SPAM1: variants seen among roughly 807,000 people sequenced by gnomAD.
SPAM1 encodes the protein hyaluronidase PH-20.
In SPAM1, 22 loss-of-function variants were observed where a neutral mutation model predicts 29.6. That is an observed-to-expected ratio of 0.74 (90% confidence interval 0.53 to 1.06). The LOEUF (loss-of-function observed/expected upper bound fraction) is 1.06, where lower values mean the gene tolerates loss of function less well. SPAM1 is among the 50% of genes least tolerant of loss of function. The pLI is 0.00. For missense variants in SPAM1, 534 were observed against 604.0 expected (o/e 0.88, Z 1.21); for synonymous variants, 194 against 204.6 (o/e 0.95, Z 0.44).
At chr7:123,945,430 C>A (rs1808547318) in intron 1 of SPAM1, among the ~76,000 whole-genome samples, 1 of 152,106 alleles carries the variant, frequency 6.6e-6, no homozygotes, top group African/African-American at 2.4e-5. Context: ...CCTCAGCCAG[C>A]TTTAACTTTG....
downstream of SPAM1, among the ~76,000 whole-genome samples, chr7:123,962,059 G>A (rs1792366543): frequency 6.6e-6 from 1 of 151,996 alleles, no homozygotes; most frequent in African/African-American, 2.4e-5. Context: ...CACAGCCAAA[G>A]CATATCACTA....
At chr7:123,934,118 G>A (rs1346963379) in intron 1 of SPAM1, among the ~76,000 whole-genome samples, 10 of 152,080 alleles carry the variant, frequency 6.6e-5, no homozygotes, top group Admixed American at 2.0e-4. Context: ...TGTGTAATAG[G>A]CTATATCATC....
chr7:123,928,210 A>G (rs1807955783), intron 1 of SPAM1, among the ~76,000 whole-genome samples: 1 of 152,202 alleles, frequency 6.6e-6, no homozygotes, highest in East Asian at 1.9e-4. Context: ...AGGAAAGGCT[A>G]ATTACTTTTC....
chr7:123,964,332 A>G (rs1163680875), downstream of SPAM1, among the ~76,000 whole-genome samples: 1 of 151,902 alleles, frequency 6.6e-6, no homozygotes, highest in East Asian at 1.9e-4. Flanking sequence ...AATAAACCTC[A>G]AAGTAGTAGG....
chr7:123,954,481 C>T lies in SPAM1; in HGVS notation c.911C>T (p.Thr304Ile), dbSNP rs778138042. The change falls in exon 3 of 5, where the codon ACC becomes ATC. Residue 304 changes from threonine (T) to isoleucine (I), a missense_variant. Physicochemically the swap from Thr to Ile is moderately conservative, Grantham distance 89. Transcript: ENST00000682466. ...AKSPLPVFAYTRIVFTDQVLK... is the reference protein window; with the variant it reads ...AKSPLPVFAYIRIVFTDQVLK... ...AGTCCACTTCCGGTTTTTGCATATACCCGCATAGTTTTTACTGATCAAGTT... is the reference window on the plus strand; with the variant it reads ...AGTCCACTTCCGGTTTTTGCATATATCCGCATAGTTTTTACTGATCAAGTT... 1.2e-5 allele frequency: 20 copies of T among 1,611,588 alleles called. No individual in the cohort carries two copies. The East Asian group carries it at 4.5e-4, about 36-fold the overall frequency.
Position 123,970,198 on chromosome 7 carries a change from T to C in SPAM1, c.1486T>C (p.Trp496Arg), listed in dbSNP as rs758964524. The C allele has an allele frequency of 6.6e-5, 102 of 1,548,732 alleles. 1 individual carries two copies. The South Asian group carries it at 1.2e-3, about 18-fold the overall frequency. The change falls in exon 6 of 7, where the codon TGG becomes CGG. Residue 496 changes from tryptophan (W) to arginine (R), a missense_variant and splice_region_variant. By Grantham distance (101) the Trp-to-Arg change is moderately radical. Coordinates refer to the SPAM1 transcript ENST00000340011. ...TAATTTTCTTATGGTTTTCTTACAGTGGAGGCTGGAAGTCTGGGATCAAGG... is the reference window on the plus strand; with the variant it reads ...TAATTTTCTTATGGTTTTCTTACAGCGGAGGCTGGAAGTCTGGGATCAAGG...
At chr7:123,925,422 T>C (rs902788129) in intron 1 of SPAM1, 70 bp downstream of exon 1, 1 of 152,244 alleles carries the variant, frequency 6.6e-6, no homozygotes, top group Non-Finnish European at 1.5e-5. Context: ...GTTGGCTTGA[T>C]GGATTTTTTC....
intron 1 of SPAM1, among the ~76,000 whole-genome samples, chr7:123,945,025 T>C (rs1808532722): frequency 6.6e-6 from 1 of 152,144 alleles, no homozygotes; most frequent in African/African-American, 2.4e-5. Context: ...CTTCTTATTA[T>C]GACTTACACA....
rs557262751 is a variant in SPAM1 at position 123,937,323 on chromosome 7, C to T, written c.-319+11971C>T. On this transcript the variant is annotated intron_variant, in intron 1 of 4. Coordinates refer to ENST00000682466, the MANE Select transcript of SPAM1 (RefSeq NM_153189.3). The stretch of plus-strand genomic sequence containing the variant: ...AGCTTCTTAAAAAAACACTTCAGGC[C>T]GGGCGCGGTGGCTCACGCCTGTAAT... 1.2e-4 allele frequency among the ~76,000 whole-genome samples: 19 copies of T among 152,206 alleles called. No homozygotes were observed. In the East Asian group the frequency reaches 1.7e-3, roughly 14 times the overall value.
chr7:123,930,396 A>G (rs1808035984), intron 1 of SPAM1, among the ~76,000 whole-genome samples: 1 of 152,188 alleles, frequency 6.6e-6, no homozygotes, highest in South Asian at 2.1e-4. Context: ...ATACATTTTT[A>G]TCATGAGTTC....
At chr7:123,928,849 G>T (rs1402734751) in intron 1 of SPAM1, among the ~76,000 whole-genome samples, 1 of 152,110 alleles carries the variant, frequency 6.6e-6, no homozygotes, top group East Asian at 1.9e-4. Flanking sequence ...AAATGAATAG[G>T]GGAGGCTTTG....
chr7:123,965,426 T>C (rs1792410223), intron 5 of SPAM1, among the ~76,000 whole-genome samples: 1 of 152,070 alleles, frequency 6.6e-6, no homozygotes, highest in Non-Finnish European at 1.5e-5. Flanking sequence ...AGGGTTTTTA[T>C]AGTTTTGGGT....
At chr7:123,930,673 A>G (rs1347404620) in intron 1 of SPAM1, among the ~76,000 whole-genome samples, 2 of 152,190 alleles carry the variant, frequency 1.3e-5, no homozygotes, top group Non-Finnish European at 2.9e-5. Context: ...CAACAAGGGT[A>G]GAGAAAACAA....
intron 1 of SPAM1, among the ~76,000 whole-genome samples, chr7:123,940,912 C>T (rs955775867): frequency 6.6e-6 from 1 of 152,070 alleles, no homozygotes; most frequent in Non-Finnish European, 1.5e-5. Flanking sequence ...AATATTGAGT[C>T]AATGCTGAAG....
At position 123,954,513 on chromosome 7, in the gene SPAM1, T is replaced by C; in HGVS notation, c.943T>C (p.Phe315Leu). The change falls in exon 3 of 5, where the codon TTC becomes CTC. Residue 315 changes from phenylalanine to leucine, a missense_variant. Coordinates refer to ENST00000682466, the MANE Select transcript of SPAM1 (RefSeq NM_153189.3). ...AGTTTTTACTGATCAAGTTTTGAAA[T>C]TCCTTTCTCAAGTAAGTAAATCAGG... ...RIVFTDQVLK[F>L]LSQDELVYTF... 6.3e-7 allele frequency: 1 copy of C among 1,590,952 alleles called. No individual in the cohort carries two copies.
Position 123,954,379 on chromosome 7 carries a change from C to T in SPAM1, c.809C>T (p.Ser270Phe). 1 of 1,613,430 alleles carries T rather than the reference C, an allele frequency of 6.2e-7. No homozygotes were observed. Among genetic ancestry groups the T allele is most frequent in the Non-Finnish European group, 8.5e-7 (1 of 1,179,582 alleles). ...TCCATTTATTTGAACACTCAGCAGT[C>T]TCCTGTAGCTGCTACACTCTATGTG... ...YPSIYLNTQQSPVAATLYVRN... is the reference protein window; with the variant it reads ...YPSIYLNTQQFPVAATLYVRN... Residue 270 changes from serine (S) to phenylalanine (F), a missense_variant, in exon 3 of 5, where the codon TCT becomes TTT. Ser to Phe is a radical substitution (Grantham distance 155). Coordinates refer to ENST00000682466, the MANE Select transcript of SPAM1 (RefSeq NM_153189.3).
intron 1 of SPAM1, among the ~76,000 whole-genome samples, chr7:123,940,670 A>AT (rs926820869): frequency 4.0e-5 from 6 of 151,560 alleles, no homozygotes; most frequent in East Asian, 1.9e-4. Flanking sequence ...TTTATTTTCT[A>AT]TTTTTTTAAA....
chr7:123,930,000 CTGGAGA>C (rs1808021619), intron 1 of SPAM1, among the ~76,000 whole-genome samples: 2 of 147,176 alleles, frequency 1.4e-5, no homozygotes, highest in Non-Finnish European at 3.0e-5. Context: ...AAGTCAGGGT[CTGGAGA>C]TTCAAAATAT....
intron 1 of SPAM1, among the ~76,000 whole-genome samples, chr7:123,945,183 T>C (rs186406010): frequency 6.6e-6 from 1 of 152,296 alleles, no homozygotes; most frequent in East Asian, 1.9e-4. Flanking sequence ...TTTATTTCTA[T>C]AACTTTCTTT....
Sources: allele counts gnomAD v4.1 joint callset (sites outside exome capture counted in the v4.1 genomes callset), GRCh38; gene constraint gnomAD v4.1.1; transcripts MANE v1.5; gene names NCBI Gene and HGNC (gene_info 2026-07-23, HGNC 2026-07-21).